Variants in PRKACB observed in about 807,000 individuals in gnomAD.
PRKACB encodes protein kinase cAMP-activated catalytic subunit beta, also known as cAMP-dependent protein kinase catalytic subunit beta.
A neutral mutation model predicts 51.4 loss-of-function variants in PRKACB; 16 were observed. The observed-to-expected ratio is 0.31, with a 90% CI of 0.21 to 0.47. The LOEUF (loss-of-function observed/expected upper bound fraction) is 0.47, where lower values mean the gene tolerates loss of function less well. Among genes scored for constraint, PRKACB ranks in the 20% least tolerant of loss-of-function variants. PRKACB has a pLI of 1.00. For missense variants in PRKACB, 309 were observed against 464.5 expected, an observed-to-expected ratio of 0.67 and a Z score of 3.08; for synonymous variants, 147 against 154.4, an observed-to-expected ratio of 0.95 and a Z score of 0.35.
At chr1:84,092,794 T>A (rs935414634) in intron 1 of PRKACB, among the ~76,000 whole-genome samples, 1 of 152,148 alleles carries the variant, frequency 6.6e-6, no homozygotes, top group African/African-American at 2.4e-5. Context: ...AAACATTTCC[T>A]GGTTATAATT....
intron 1 of PRKACB, among the ~76,000 whole-genome samples, chr1:84,177,722 A>G (rs1661799652): frequency 6.6e-6 from 1 of 152,054 alleles, no homozygotes; most frequent in Admixed American, 6.6e-5. Context: ...AGCCTGAGTG[A>G]CAGAGCAAGA....
chr1:84,133,287 A>G (rs1273412749), intron 1 of PRKACB, among the ~76,000 whole-genome samples: 2 of 152,204 alleles, frequency 1.3e-5, no homozygotes, highest in Non-Finnish European at 2.9e-5. Context: ...TATCTGTGAA[A>G]TTAACCTTCA....
chr1:84,117,601 A>G (rs1571646802), intron 1 of PRKACB, among the ~76,000 whole-genome samples: 1 of 152,156 alleles, frequency 6.6e-6, no homozygotes, highest in Non-Finnish European at 1.5e-5. Context: ...AGTTGTTCAT[A>G]ATAGTCTCTG....
At chr1:84,171,392 T>C (rs1481753248) in intron 1 of PRKACB, among the ~76,000 whole-genome samples, 2 of 151,630 alleles carry the variant, frequency 1.3e-5, no homozygotes, top group African/African-American at 2.4e-5. Flanking sequence ...AATAGAACTA[T>C]ACCTGTTTTA....
intron 1 of PRKACB, among the ~76,000 whole-genome samples, chr1:84,095,033 G>T (rs909518046): frequency 6.6e-6 from 1 of 151,902 alleles, no homozygotes; most frequent in Non-Finnish European, 1.5e-5. Context: ...AGGAGCAATA[G>T]GCTATCCATA....
chr1:84,166,420 A>G (rs554787139), intron 1 of PRKACB, among the ~76,000 whole-genome samples: 85 of 151,800 alleles, frequency 5.6e-4, no homozygotes, highest in African/African-American at 1.8e-3. Flanking sequence ...GATGGATTGG[A>G]TTTAGCTGAA....
At chr1:84,123,198 G>A (rs1053215336) in intron 1 of PRKACB, among the ~76,000 whole-genome samples, 2 of 152,156 alleles carry the variant, frequency 1.3e-5, no homozygotes, top group African/African-American at 2.4e-5. Context: ...ACCACATAGT[G>A]ATGTATGAGA....
intron 1 of PRKACB, among the ~76,000 whole-genome samples, chr1:84,162,750 AT>A (rs1656368057): frequency 1.3e-5 from 2 of 151,924 alleles, no homozygotes; most frequent in Admixed American, 6.6e-5. Context: ...TATAATAGCT[AT>A]TTTAAAGTCT....
chr1:84,139,377 G>T (rs576958510), upstream of PRKACB, among the ~76,000 whole-genome samples: 4 of 152,220 alleles, frequency 2.6e-5, no homozygotes, highest in South Asian at 2.1e-4. Context: ...TATTAGTTTG[G>T]TACAAAAGTA....
chr1:84,153,143 G>A (rs1465709767), intron 1 of PRKACB, among the ~76,000 whole-genome samples: 14 of 152,012 alleles, frequency 9.2e-5, no homozygotes, highest in Non-Finnish European at 7.4e-5. Flanking sequence ...AGCAGTCAGA[G>A]CACACACAAC....
At chr1:84,120,767 A>G (rs929990280) in intron 1 of PRKACB, among the ~76,000 whole-genome samples, 2 of 151,914 alleles carry the variant, frequency 1.3e-5, no homozygotes, top group Non-Finnish European at 2.9e-5. Flanking sequence ...TTTTTTTCTT[A>G]GTGGTACATG....
At chr1:84,104,342 G>T in intron 1 of PRKACB, among the ~76,000 whole-genome samples, 1 of 152,032 alleles carries the variant, frequency 6.6e-6, no homozygotes, top group Non-Finnish European at 1.5e-5. Context: ...GTAGGTCATT[G>T]TTTATATACA....
chr1:84,189,959 T>A (rs1666261940), intron 5 of PRKACB, among the ~76,000 whole-genome samples: 1 of 151,930 alleles, frequency 6.6e-6, no homozygotes, highest in African/African-American at 2.4e-5. Flanking sequence ...TCCCTAACTA[T>A]TTACACATAA....
chr1:84,114,712 CT>C (rs1441426892), intron 1 of PRKACB, among the ~76,000 whole-genome samples: 1 of 152,106 alleles, frequency 6.6e-6, no homozygotes, highest in Non-Finnish European at 1.5e-5. Context: ...TTCCCAGTCT[CT>C]GCTATCTATC....
chr1:84,182,075 G>A (rs1231257425), intron 2 of PRKACB, 125 bp from the exon 3 acceptor site: 6 of 713,548 alleles, frequency 8.4e-6, no homozygotes, highest in African/African-American at 5.5e-5. Context: ...TAGCTTTTTT[G>A]TATTGCATTT....
At chr1:84,196,768 C>G in intron 6 of PRKACB, 26 bp downstream of exon 6, 1 of 1,602,168 alleles carries the variant, frequency 6.2e-7, no homozygotes, top group Middle Eastern at 1.7e-4. Context: ...ATTATGTGTA[C>G]TGTATATGAG....
intron 9 of PRKACB, among the ~76,000 whole-genome samples, chr1:84,233,378 G>C (rs868580300): frequency 6.9e-6 from 1 of 144,652 alleles, no homozygotes; most frequent in Non-Finnish European, 1.5e-5. Flanking sequence ...TGGTGAATCT[G>C]ACAATTATGT....
At chr1:84,234,647 G>T (rs199680825) in intron 9 of PRKACB, among the ~76,000 whole-genome samples, 1 of 152,310 alleles carries the variant, frequency 6.6e-6, no homozygotes, top group African/African-American at 2.4e-5. Flanking sequence ...TGGGAAAAGC[G>T]CAGTATTCGG....
At chr1:84,156,968 A>G (rs970014252) in intron 1 of PRKACB, among the ~76,000 whole-genome samples, 1 of 152,066 alleles carries the variant, frequency 6.6e-6, no homozygotes, top group Non-Finnish European at 1.5e-5. Flanking sequence ...CAATGTCTCT[A>G]CTTTTCAGCC....
Sources: gnomAD v4.1 joint callset for allele counts (sites outside exome capture counted in the v4.1 genomes callset) on GRCh38, gnomAD v4.1.1 for gene constraint, MANE v1.5 for transcripts, NCBI Gene and HGNC (gene_info 2026-07-23, HGNC 2026-07-21) for gene names.